The following CENPN variants were observed in gnomAD, a reference collection of about 807,000 sequenced individuals.
CENPN encodes interphase centromere complex protein 32.
CENPN carries 36 observed loss-of-function variants against 48.6 expected under a neutral mutation model. The observed-to-expected ratio is 0.74, with a 90% confidence interval of 0.57 to 0.98. The LOEUF is 0.98. CENPN is among the 50% of genes least tolerant of loss of function. The pLI is 0.00. For synonymous variants in CENPN, 166 were observed against 135.2 expected (o/e 1.23, Z -1.58); for missense variants, 439 against 399.2 (o/e 1.10, Z -0.85).
chr16:81,014,187 T>G lies in CENPN; in HGVS notation c.217+6T>G. 1 of 1,611,194 alleles carries G rather than the reference T, an allele frequency of 6.2e-7. No homozygotes were observed. Among genetic ancestry groups the G allele is most frequent in the Non-Finnish European group, 8.5e-7 (1 of 1,177,524 alleles). ...TGCCCTGTTAGACATCATTTGTAAG[T>G]GTCAGTGATTTGTATTTATACTTAA... On this transcript the variant is annotated splice_donor_region_variant and intron_variant, in intron 3 of 10. Transcript: ENST00000305850.
chr16:81,021,828 C>T (rs1368268108), intron 6 of CENPN, among the ~76,000 whole-genome samples: 1 of 151,750 alleles, frequency 6.6e-6, no homozygotes, highest in African/African-American at 2.4e-5. Context: ...GATCTTGGCT[C>T]ACTGCACCCT....
chr16:81,009,880 G>A (rs1463286), intron 1 of CENPN, among the ~76,000 whole-genome samples: 150,157 of 152,350 alleles, frequency 0.99, 74,033 homozygotes, highest in Middle Eastern at 1. Flanking sequence ...TAAAGTATGC[G>A]GGTGGTACCC....
chr16:81,026,519 C>T lies in CENPN; in HGVS notation c.698-7C>T, dbSNP rs11150336. ...CGGCTGTTTTATTTGAAATCTTCCA[C>T]CCATAGTGGATTCAAGGATCATTCA... On this transcript the variant is annotated splice_region_variant and splice_polypyrimidine_tract_variant and intron_variant, in intron 8 of 10. Transcript: ENST00000305850. 0.1 allele frequency: 141,409 copies of T among 1,418,362 alleles called. 8,036 individuals are homozygous for T. Among genetic ancestry groups the T allele is most frequent in the Admixed American group, 0.19 (10,732 of 56,940 alleles). 87.9% of individuals were successfully genotyped at this position (1,418,362 alleles called of 1,614,324 possible).
In CENPN at chr16:81,010,813, C is replaced by G. The variant is rs1195788620; in HGVS notation, c.-10-1117C>G. ...TTTGGTTCTTTTCTTGATCTAACAC[C>G]CCACATGTAATCCATCTGGAAACCC... On this transcript the variant is annotated intron_variant, in intron 1 of 10. Transcript: ENST00000305850. Among the ~76,000 whole-genome samples, 27 of 152,092 alleles carry G rather than the reference C, an allele frequency of 1.8e-4. 1 individual carries two copies. The highest frequency in any genetic ancestry group is 1.8e-3 in the Admixed American group (27 of 15,260).
intron 9 of CENPN, among the ~76,000 whole-genome samples, chr16:81,027,246 T>G (rs1032507131): frequency 1.1e-4 from 16 of 152,264 alleles, no homozygotes; most frequent in African/African-American, 3.9e-4. Context: ...ATCCCAGCAC[T>G]TTGGGAGGCT....
rs375235601 is a variant in CENPN, at chr16:81,017,733, C to A, written c.278-25C>A. 38 of 1,528,022 alleles carry A rather than the reference C, an allele frequency of 2.5e-5. No individual in the cohort carries two copies. In the African/African-American group the frequency reaches 2.8e-4, roughly 11 times the overall value. 94.7% of individuals were successfully genotyped at this position (1,528,022 alleles called of 1,614,324 possible). On this transcript the variant is annotated intron_variant, in intron 4 of 10. Coordinates refer to ENST00000305850, the MANE Select transcript of CENPN (RefSeq NM_001100624.3). ...AGACATTGTAGCTCCCTTGATTTTT[C>A]TTTATTTTTTTTTCACTTTGGCAGG... is the stretch of plus-strand genomic sequence containing the variant.
chr16:81,030,779 C>T lies in CENPN; in HGVS notation c.*2128C>T, dbSNP rs1253646348. 1 of 151,490 alleles carries T rather than the reference C, an allele frequency of 6.6e-6. No individual in the cohort carries two copies. The highest frequency in any genetic ancestry group is 2.4e-5 in the African/African-American group (1 of 41,120). 9.4% of individuals were successfully genotyped at this position (151,490 alleles called of 1,614,324 possible). ...ATAAAATAAAGGCCAGGCATGGTGG[C>T]TCACGCCTATAATCCCAGCACTTTC... On this transcript the variant is annotated 3_prime_UTR_variant, in exon 11 of 11. Transcript: ENST00000305850.
intron 1 of CENPN, among the ~76,000 whole-genome samples, chr16:81,009,236 T>C (rs1567545699): frequency 1.3e-5 from 2 of 152,178 alleles, no homozygotes; most frequent in East Asian, 3.9e-4. Context: ...AAAAAAACAA[T>C]TAGCAGTGGA....
chr16:81,027,158 C>G (rs1163263702), intron 9 of CENPN, among the ~76,000 whole-genome samples: 2 of 152,108 alleles, frequency 1.3e-5, no homozygotes, highest in Admixed American at 6.6e-5. Context: ...GTGCTCCTTA[C>G]TTTTGTATAT....
chr16:81,032,912 G>A (rs2151729376), downstream of CENPN: 1 of 414,658 alleles, frequency 2.4e-6, no homozygotes, highest in East Asian at 4.1e-5. Flanking sequence ...CTAGCTCTAA[G>A]GGGAACAGAT....
chr16:81,017,258 A>C (rs929566271), intron 3 of CENPN, 68 bp from the exon 4 acceptor site: 2 of 1,021,794 alleles, frequency 2.0e-6, no homozygotes, highest in Admixed American at 3.9e-5. Flanking sequence ...AAGTATAGAA[A>C]TATCTATAAG....
intron 1 of CENPN, among the ~76,000 whole-genome samples, chr16:81,008,453 C>T (rs550587168): frequency 1.3e-5 from 2 of 152,074 alleles, no homozygotes; most frequent in African/African-American, 4.8e-5. Flanking sequence ...CTCACTGCAA[C>T]CTCCTCCTCC....
At chr16:81,023,204 G>T in intron 7 of CENPN, 2 of 275,352 alleles carry the variant, frequency 7.3e-6, no homozygotes, top group East Asian at 1.0e-4. Context: ...CAGATGCAGG[G>T]GTGTTTTTTC....
At position 81,031,370 on chromosome 16, in the gene CENPN, T is replaced by G. The variant is rs962822925; in HGVS notation, c.*2719T>G. ...GTCAACTTGTCTAATCACCCTCAGCTTTTTTTAAAAACCCCTCCTCTACCC... is the reference window on the plus strand; with the variant it reads ...GTCAACTTGTCTAATCACCCTCAGCGTTTTTTAAAAACCCCTCCTCTACCC... On this transcript the variant is annotated 3_prime_UTR_variant, in exon 11 of 11. Coordinates refer to ENST00000305850, the MANE Select transcript of CENPN (RefSeq NM_001100624.3). The G allele has an allele frequency of 2.2e-4, 33 of 152,176 alleles. No individual in the cohort carries two copies. Among genetic ancestry groups the G allele is most frequent in the African/African-American group, 7.7e-4 (32 of 41,442 alleles). The allele number at this position is 152,176 out of a possible 1,614,324, so 9.4% of individuals were successfully genotyped here. A position where few individuals can be genotyped will look rare whatever the true frequency, so the allele number is the denominator to read the frequency against.
chr16:81,014,220 G>A, intron 3 of CENPN, 39 bp downstream of exon 3: 1 of 1,556,206 alleles, frequency 6.4e-7, no homozygotes, highest in Non-Finnish European at 8.9e-7. Flanking sequence ...TAACCAATCA[G>A]TTTATTAGAG....
At chr16:81,018,733 C>G (rs1391123482) in intron 5 of CENPN, among the ~76,000 whole-genome samples, 1 of 152,156 alleles carries the variant, frequency 6.6e-6, no homozygotes, top group Non-Finnish European at 1.5e-5. Context: ...GCCGCCATAC[C>G]CTGGACTGGG....
Position 81,020,141 on chromosome 16 carries a change from G to T in CENPN, c.396G>T (p.Trp132Cys). The change falls in exon 6 of 11, where the codon TGG becomes TGT. Residue 132 changes from tryptophan (W) to cysteine (C), a missense_variant. Trp to Cys is a radical substitution (Grantham distance 215, BLOSUM62 -2). Coordinates refer to ENST00000305850, the MANE Select transcript of CENPN (RefSeq NM_001100624.3). ...GAGAAACTGAGGAGAATGCAGTCTG[G>T]ATTCGAATTGCCTGGGGAACACAGT... is the stretch of plus-strand genomic sequence containing the variant. ...SFRETEENAV[W>C]IRIAWGTQYT... The T allele has an allele frequency of 1.2e-6, 2 of 1,613,336 alleles. No homozygotes were observed. Among genetic ancestry groups the T allele is most frequent in the Non-Finnish European group, 1.7e-6 (2 of 1,179,822 alleles).
Position 81,024,731 on chromosome 16 carries a change from A to G in CENPN, c.650A>G (p.Asn217Ser). ...TTTCCCTAGACCTTTGAAACTCACA[A>G]CTCTACGACACCTCTACAGGAAAGA... ...KQYNQTFETHNSTTPLQERSL... is the reference protein window; with the variant it reads ...KQYNQTFETHSSTTPLQERSL... The change falls in exon 8 of 11, where the codon AAC (asparagine) becomes AGC (serine). Residue 217 changes from asparagine to serine, a missense_variant. Transcript: ENST00000305850. 1.2e-6 allele frequency: 2 copies of G among 1,609,928 alleles called. No homozygotes were observed. The highest frequency in any genetic ancestry group is 1.7e-6 in the Non-Finnish European group (2 of 1,177,348).
At chr16:81,015,882 C>T (rs1315688592) in intron 3 of CENPN, among the ~76,000 whole-genome samples, 1 of 152,002 alleles carries the variant, frequency 6.6e-6, no homozygotes, top group Non-Finnish European at 1.5e-5. Flanking sequence ...TGGCAGGTAC[C>T]TGTAATCTGC....
Sources: gnomAD v4.1 joint callset for allele counts (sites outside exome capture counted in the v4.1 genomes callset) on GRCh38, gnomAD v4.1.1 for gene constraint, MANE v1.5 for transcripts, NCBI Gene and HGNC (gene_info 2026-07-23, HGNC 2026-07-21) for gene names.